RNF17: variants seen among roughly 807,000 people sequenced by gnomAD.
RNF17 encodes the protein ring finger protein 17.
In RNF17, 31 loss-of-function variants were observed where a neutral mutation model predicts 200.5. The observed-to-expected ratio is 0.15, with a 90% CI of 0.12 to 0.21. The LOEUF is 0.21. Ranked by LOEUF, RNF17 falls within the 10% of genes least tolerant of loss-of-function variation. The pLI is 1.00. For missense variants in RNF17, 1,628 were observed against 1,905.1 expected, an observed-to-expected ratio of 0.85 and a Z score of 2.71; for synonymous variants, 606 against 637.8, an observed-to-expected ratio of 0.95 and a Z score of 0.75.
At chr13:24,786,369 A>T (rs1883110967) in intron 6 of RNF17, among the ~76,000 whole-genome samples, 2 of 152,182 alleles carry the variant, frequency 1.3e-5, no homozygotes, top group Non-Finnish European at 1.5e-5. Flanking sequence ...TATACCTGTT[A>T]AGATAGATTG....
At chr13:24,869,745 T>C (rs1286451436) in intron 31 of RNF17, among the ~76,000 whole-genome samples, 1 of 152,100 alleles carries the variant, frequency 6.6e-6, no homozygotes. Flanking sequence ...AGTCACACAC[T>C]GTCACTGCAG....
At position 24,877,251 on chromosome 13, in the gene RNF17, T is replaced by C. The variant is rs978363700; in HGVS notation, c.4773+65T>C. ...TCTGTGTCGATACTTTGTAAAGTGT[T>C]TGTTTCTATGCAGCGTCTACATGCG... On this transcript the variant is annotated intron_variant, in intron 34 of 35. Transcript: ENST00000255324. 3.7e-5 allele frequency: 51 copies of C among 1,382,488 alleles called. 2 individuals are homozygous for C. The South Asian group carries it at 6.1e-4, about 17-fold the overall frequency. The allele number at this position is 1,382,488 out of a possible 1,614,324, so 85.6% of individuals were successfully genotyped here.
chr13:24,882,165 TATAG>T (rs772790413), downstream of RNF17: 1,090 of 4,076 alleles, frequency 0.27, 448 homozygotes, highest in African/African-American at 0.41. Flanking sequence ...GATACATCTA[TATAG>T]ATAGATACAT....
At chr13:24,881,788 C>A (rs1953828069), downstream of RNF17, among the ~76,000 whole-genome samples, 1 of 143,156 alleles carries the variant, frequency 7.0e-6, no homozygotes, top group South Asian at 2.2e-4. Flanking sequence ...CATGGTGAAA[C>A]CCCGTCTCTA....
At chr13:24,830,746 C>A in intron 17 of RNF17, 147 bp downstream of exon 17, 1 of 635,618 alleles carries the variant, frequency 1.6e-6, no homozygotes, top group Non-Finnish European at 2.8e-6. Context: ...GCTGTGGTTA[C>A]TATTGAGGAA....
chr13:24,862,333 C>A (rs922927313), intron 27 of RNF17, among the ~76,000 whole-genome samples: 2 of 152,226 alleles, frequency 1.3e-5, no homozygotes, highest in African/African-American at 4.8e-5. Flanking sequence ...AACCTCTCAA[C>A]GCATAAAGAC....
the RNF17 span, among the ~76,000 whole-genome samples, chr13:24,748,109 G>T: frequency 6.6e-6 from 1 of 150,912 alleles, no homozygotes; most frequent in South Asian, 2.1e-4. Flanking sequence ...CGCGAACCAC[G>T]CAGCTCCGGA....
chr13:24,870,399 G>T (rs1278732950), intron 31 of RNF17, among the ~76,000 whole-genome samples, 172 bp from the exon 32 acceptor site: 1 of 152,098 alleles, frequency 6.6e-6, no homozygotes, highest in Admixed American at 6.5e-5. Context: ...ATGTTCTCTT[G>T]ATCACAAGAT....
Position 24,877,153 on chromosome 13 carries a change from T to C in RNF17, c.4740T>C (p.Cys1580=). Residue 1580 remains cysteine, a synonymous_variant, in exon 34 of 36, where the codon TGT becomes TGC. Coordinates refer to ENST00000255324, the MANE Select transcript of RNF17 (RefSeq NM_031277.3). ...SMEALWAMID[C]LQGKQLYAVS... ...AGGCACTGTGGGCTATGATAGACTG[T>C]CTTCAAGGAAAACAACTCTATGCTG... The C allele has an allele frequency of 6.2e-7, 1 of 1,613,218 alleles. No individual in the cohort carries two copies. The highest frequency in any genetic ancestry group is 8.5e-7 in the Non-Finnish European group (1 of 1,179,674).
chr13:24,836,631 TAC>T (rs548249933), intron 18 of RNF17, among the ~76,000 whole-genome samples: 17 of 152,170 alleles, frequency 1.1e-4, no homozygotes, highest in East Asian at 1.9e-4. Flanking sequence ...GAAGGAAAGA[TAC>T]AGTCTTTTTC....
rs1893076156 is a variant in RNF17, at chr13:24,861,276, T to C, written c.3783T>C (p.Tyr1261=). ...EVVGGAVRVQ[Y]LDHGFTEKIP... is the part of the protein sequence containing the mutation. ...TATTTGTCGTGTTTCAGGTACAATATTTAGATCATGGATTCACTGAAAAGA... is the reference window on the plus strand; with the variant it reads ...TATTTGTCGTGTTTCAGGTACAATACTTAGATCATGGATTCACTGAAAAGA... Residue 1261 remains tyrosine (Y), a synonymous_variant, in exon 27 of 36, where the codon TAT becomes TAC. Transcript: ENST00000255324. 3 of 1,593,454 alleles carry C rather than the reference T, an allele frequency of 1.9e-6. No homozygotes were observed. The highest frequency in any genetic ancestry group is 2.6e-6 in the Non-Finnish European group (3 of 1,167,620).
At chr13:24,884,211 G>A (rs149855336), downstream of RNF17, 402 of 1,614,186 alleles carry the variant, frequency 2.5e-4, no homozygotes, top group Non-Finnish European at 2.9e-4. Flanking sequence ...CGGGTATGTC[G>A]TGTGAGTGGT....
chr13:24,854,203 A>G, intron 25 of RNF17, 59 bp downstream of exon 25: 1 of 1,333,234 alleles, frequency 7.5e-7, no homozygotes, highest in Non-Finnish European at 1.0e-6. Context: ...AGGGATTGAA[A>G]TACTTTGGGC....
chr13:24,868,757 C>A, intron 31 of RNF17, 41 bp downstream of exon 31: 3 of 1,067,984 alleles, frequency 2.8e-6, no homozygotes, highest in Non-Finnish European at 4.4e-6. Flanking sequence ...AAAAATGTAA[C>A]AAGCTGTCTT....
At chr13:24,856,636 C>T (rs1224272651) in intron 25 of RNF17, among the ~76,000 whole-genome samples, 1 of 152,172 alleles carries the variant, frequency 6.6e-6, no homozygotes, top group African/African-American at 2.4e-5. Context: ...ACATTCCCCA[C>T]TGATCTGCAA....
the RNF17 span, chr13:24,886,200 C>CTATG: frequency 2.8e-6 from 2 of 705,500 alleles, no homozygotes; most frequent in Admixed American, 2.3e-5. Context: ...TATTTTCATC[C>CTATG]TATGTGCCAA....
intron 4 of RNF17, 95 bp downstream of exon 4, chr13:24,778,501 T>C: frequency 1.2e-6 from 1 of 836,962 alleles, no homozygotes; most frequent in Non-Finnish European, 2.0e-6. Flanking sequence ...ATAGATTCTT[T>C]TGGAAGTTTA....
intron 25 of RNF17, 44 bp from the exon 26 acceptor site, chr13:24,858,957 G>A (rs554931146): frequency 1.6e-6 from 2 of 1,233,568 alleles, no homozygotes; most frequent in Admixed American, 4.4e-5. Flanking sequence ...ACAAATGATA[G>A]GGAATTTTCC....
intron 15 of RNF17, among the ~76,000 whole-genome samples, chr13:24,809,587 AC>A (rs1227504725): frequency 2.0e-5 from 3 of 151,784 alleles, no homozygotes; most frequent in Non-Finnish European, 4.4e-5. Context: ...CTTTCAAAAA[AC>A]CAGCTCCTGG....
Sources: allele counts gnomAD v4.1 joint callset (sites outside exome capture counted in the v4.1 genomes callset), GRCh38; gene constraint gnomAD v4.1.1; transcripts MANE v1.5; gene names NCBI Gene and HGNC (gene_info 2026-07-23, HGNC 2026-07-21).